Variants in PCDHGB4 observed in about 807,000 individuals in gnomAD.
PCDHGB4 encodes protocadherin gamma subfamily B, 4.
A neutral mutation model predicts 60.5 loss-of-function variants in PCDHGB4; 38 were observed. The observed-to-expected ratio is 0.63, with a 90% CI of 0.48 to 0.82. The LOEUF (loss-of-function observed/expected upper bound fraction) is 0.82. PCDHGB4 is among the 40% of genes least tolerant of loss of function. The pLI, the probability that PCDHGB4 is intolerant of heterozygous loss-of-function variation, is 0.00. For synonymous variants in PCDHGB4, 456 were observed against 509.7 expected, an observed-to-expected ratio of 0.89 and a Z score of 1.42; for missense variants, 1,109 against 1,209.6, an observed-to-expected ratio of 0.92 and a Z score of 1.23.
rs759226115 is a variant in PCDHGB4 at position 141,405,385 on chromosome 5, A to AT, written c.2397+15112dup. 3.1e-5 allele frequency: 49 copies of AT among 1,599,976 alleles called. 1 individual carries two copies. The highest frequency in any genetic ancestry group is 2.8e-4 in the Admixed American group (16 of 56,782). On this transcript the variant is annotated intron_variant, in intron 1 of 3. Coordinates refer to ENST00000519479, the MANE Select transcript of PCDHGB4 (RefSeq NM_003736.4). ...ACACCCCTTTGGTTCCGGTGAGTTC[A>AT]TTTTTTTTCTTTCTTTCTTTTCTTT...
intron 1 of PCDHGB4, among the ~76,000 whole-genome samples, chr5:141,472,792 C>A (rs2099297177): frequency 6.6e-6 from 1 of 151,698 alleles, no homozygotes; most frequent in African/African-American, 2.4e-5. Context: ...TCAAGATCAG[C>A]CTGACCAACA....
At chr5:141,510,378 C>T (rs919650449) in intron 3 of PCDHGB4, among the ~76,000 whole-genome samples, 1 of 151,688 alleles carries the variant, frequency 6.6e-6, no homozygotes, top group African/African-American at 2.4e-5. Flanking sequence ...TCTACTCGTG[C>T]CAGGCCTTGC....
chr5:141,495,415 C>T (rs1385371906), intron 2 of PCDHGB4, among the ~76,000 whole-genome samples: 1 of 152,194 alleles, frequency 6.6e-6, no homozygotes, highest in Admixed American at 6.5e-5. Context: ...TTCTCCGGCC[C>T]CTCCTCCCAC....
At chr5:141,430,878 A>G in intron 1 of PCDHGB4, 1 of 1,600,748 alleles carries the variant, frequency 6.2e-7, no homozygotes, top group Admixed American at 1.8e-5. Context: ...GAAGAGCTGG[A>G]GAAAGGCTCT....
At position 141,389,146 on chromosome 5, in the gene PCDHGB4, C is replaced by A. The variant is rs567517174; in HGVS notation, c.1262C>A (p.Thr421Lys). The part of the protein sequence containing the change: ...EQNPEYNITV[T>K]ATDRGKPPLS... ...AATCCAGAGTACAATATAACCGTTACGGCAACAGATCGGGGCAAGCCTCCC... is the reference window on the plus strand; with the variant it reads ...AATCCAGAGTACAATATAACCGTTAAGGCAACAGATCGGGGCAAGCCTCCC... The change falls in exon 1 of 4, where the codon ACG becomes AAG. Residue 421 changes from threonine (T) to lysine (K), a missense_variant. Physicochemically the swap from Thr to Lys is moderately conservative, Grantham distance 78. Transcript: ENST00000519479. 6 of 1,614,000 alleles carry A rather than the reference C, an allele frequency of 3.7e-6. No individual in the cohort carries two copies. Among genetic ancestry groups the A allele is most frequent in the South Asian group, 3.3e-5 (3 of 91,086 alleles).
At chr5:141,458,090 G>C (rs1306631184) in intron 1 of PCDHGB4, among the ~76,000 whole-genome samples, 2 of 152,234 alleles carry the variant, frequency 1.3e-5, no homozygotes, top group Non-Finnish European at 1.5e-5. Context: ...CGTAAGTTAA[G>C]AGTACTTACA....
chr5:141,399,478 G>A, intron 1 of PCDHGB4: 2 of 1,614,012 alleles, frequency 1.2e-6, no homozygotes, highest in East Asian at 2.2e-5. Flanking sequence ...TTTCCACCAG[G>A]CGTCCTACTT....
chr5:141,418,867 A>T, intron 1 of PCDHGB4: 1 of 1,613,968 alleles, frequency 6.2e-7, no homozygotes, highest in Non-Finnish European at 8.5e-7. Context: ...TAATTGTAGA[A>T]GTTGTAGACG....
Position 141,387,821 on chromosome 5 carries a change from A to C in PCDHGB4, c.-64A>C, listed in dbSNP as rs2091106896. 1.9e-6 allele frequency: 3 copies of C among 1,577,920 alleles called. No homozygotes were observed. Among genetic ancestry groups the C allele is most frequent in the Non-Finnish European group, 2.6e-6 (3 of 1,162,470 alleles). On this transcript the variant is annotated 5_prime_UTR_variant, in exon 1 of 4. Coordinates refer to ENST00000519479, the MANE Select transcript of PCDHGB4 (RefSeq NM_003736.4). The stretch of plus-strand genomic sequence containing the variant: ...CCGTTCGGAGATCCAAAAATCTGCA[A>C]TACAGAGGTTATTTGTAACCCGGCG...
At position 141,510,842 on chromosome 5, in the gene PCDHGB4, G is replaced by A. The variant is rs531098325; in HGVS notation, c.2546-105G>A. 8.7e-5 allele frequency: 138 copies of A among 1,590,280 alleles called. No homozygotes were observed. The African/African-American group carries it at 1.7e-3, about 19-fold the overall frequency. ...TATTCCCAGTGCTCAGCGTGGTCAA[G>A]GCCCAGGGTGCTGTATAGGCATTCA... On this transcript the variant is annotated intron_variant, in intron 3 of 3. Coordinates refer to ENST00000519479, the MANE Select transcript of PCDHGB4 (RefSeq NM_003736.4).
At chr5:141,409,104 T>C in intron 1 of PCDHGB4, 3 of 1,613,960 alleles carry the variant, frequency 1.9e-6, no homozygotes, top group Non-Finnish European at 2.5e-6. Context: ...ACAGGTATGA[T>C]TAAGAATAAC....
In PCDHGB4 at chr5:141,387,837, T is replaced by G. The variant is rs2091115137; in HGVS notation, c.-48T>G. 6.3e-7 allele frequency: 1 copy of G among 1,597,490 alleles called. No homozygotes were observed. Among genetic ancestry groups the G allele is most frequent in the African/African-American group, 1.3e-5 (1 of 74,500 alleles). On this transcript the variant is annotated 5_prime_UTR_variant, in exon 1 of 4. Coordinates refer to ENST00000519479, the MANE Select transcript of PCDHGB4 (RefSeq NM_003736.4). ...AAATCTGCAATACAGAGGTTATTTG[T>G]AACCCGGCGTCTCCAGGCTGGTGAG... is the stretch of plus-strand genomic sequence containing the variant.
At chr5:141,480,285 T>C (rs1369369395) in intron 1 of PCDHGB4, among the ~76,000 whole-genome samples, 1 of 151,924 alleles carries the variant, frequency 6.6e-6, no homozygotes, top group East Asian at 1.9e-4. Flanking sequence ...TGTGTTGGCA[T>C]GCACCTGTGG....
chr5:141,399,975 G>A (rs2093929990), intron 1 of PCDHGB4: 2 of 1,612,126 alleles, frequency 1.2e-6, no homozygotes, highest in East Asian at 2.2e-5. Flanking sequence ...TCAGCCTGGG[G>A]CTGCGCACAG....
intron 1 of PCDHGB4, among the ~76,000 whole-genome samples, chr5:141,472,310 G>A (rs2099276586): frequency 6.6e-6 from 1 of 152,040 alleles, no homozygotes; most frequent in Non-Finnish European, 1.5e-5. Flanking sequence ...GGGAAGCCGA[G>A]GCAGGCAGAT....
rs1475572413 is a variant in PCDHGB4, at chr5:141,432,843, T to G, written c.2397+42562T>G. The G allele has an allele frequency of 6.2e-7, 1 of 1,614,066 alleles. No homozygotes were observed. The highest frequency in any genetic ancestry group is 8.5e-7 in the Non-Finnish European group (1 of 1,180,020). ...TCAGACCTCACTCTGTACCTGGTGGTAGCGGTGGCCGCGGTCTCCTGCGTC... is the reference window on the plus strand; with the variant it reads ...TCAGACCTCACTCTGTACCTGGTGGGAGCGGTGGCCGCGGTCTCCTGCGTC... On this transcript the variant is annotated intron_variant, in intron 1 of 3. Coordinates refer to ENST00000519479, the MANE Select transcript of PCDHGB4 (RefSeq NM_003736.4). This position sits in a 1 kb window ranked among gnomAD's most constrained non-coding sequence, Gnocchi z 6.0.
chr5:141,432,400 G>A lies in PCDHGB4; in HGVS notation c.2397+42119G>A, dbSNP rs139153105. ...ACCCGCCCCTCAGCAGCAACGTGTC[G>A]TTGAGCCTGTTCGTGCTGGACCAGA... On this transcript the variant is annotated intron_variant, in intron 1 of 3. Transcript: ENST00000519479. The surrounding 1 kb of genome is among the most constrained non-coding windows in gnomAD (Gnocchi z 6.0). 5.6e-6 allele frequency: 9 copies of A among 1,614,122 alleles called. No homozygotes were observed. In the East Asian group the frequency reaches 6.7e-5, roughly 12 times the overall value.
intron 1 of PCDHGB4, chr5:141,404,230 C>T: frequency 6.2e-7 from 1 of 1,613,836 alleles, no homozygotes; most frequent in Non-Finnish European, 8.5e-7. Context: ...CTGCAACAGA[C>T]AGAGGAACTC....
intron 1 of PCDHGB4, chr5:141,405,534 C>T: frequency 3.1e-6 from 2 of 648,486 alleles, no homozygotes; most frequent in Non-Finnish European, 5.3e-6. Flanking sequence ...ATTCTCCTGC[C>T]TCAGCCTCCC....
Sources: gnomAD v4.1 joint callset for allele counts (sites outside exome capture counted in the v4.1 genomes callset) on GRCh38, gnomAD v4.1.1 for gene constraint, Gnocchi (gnomAD v3.1) non-coding constraint, MANE v1.5 for transcripts, NCBI Gene and HGNC (gene_info 2026-07-23, HGNC 2026-07-21) for gene names.